Variants in LIN52 observed in about 807,000 individuals in gnomAD.
LIN52 encodes lin-52 DREAM MuvB core complex component, also known as protein lin-52 homolog.
LIN52 carries 4 observed loss-of-function variants against 18.5 expected under a neutral mutation model. The observed-to-expected ratio is 0.22, with a 90% CI of 0.11 to 0.49. The LOEUF is 0.49. LIN52 is among the 20% of genes least tolerant of loss of function. LIN52 has a pLI of 0.97. For missense variants in LIN52, 102 were observed against 139.5 expected (o/e 0.73, Z 1.35); for synonymous variants, 34 against 45.5 (o/e 0.75, Z 1.02).
intron 5 of LIN52, among the ~76,000 whole-genome samples, chr14:74,148,059 A>G (rs1473269999): frequency 1.3e-5 from 2 of 152,130 alleles, no homozygotes; most frequent in Non-Finnish European, 2.9e-5. Flanking sequence ...GAAAAAAGAA[A>G]ACAAAACCTA....
rs71460958 is a variant in LIN52, at chr14:74,130,278, GTTTT to G, written c.283+29055_283+29058del. Among the ~76,000 whole-genome samples, 4 of 64,842 alleles carry G rather than the reference GTTTT, an allele frequency of 6.2e-5. 1 individual carries two copies. Among genetic ancestry groups the G allele is most frequent in the Non-Finnish European group, 1.1e-4 (4 of 35,796 alleles). The allele number at this position is 64,842 out of a possible 152,430, so 42.5% of individuals were successfully genotyped here. On this transcript the variant is annotated intron_variant, in intron 5 of 5. Transcript: ENST00000555028. ...GAATTTATTAGATAGGCATTTTTTG[GTTTT>G]TTTTTTTTTTTTTTGAGACAGTCTC...
intron 5 of LIN52, among the ~76,000 whole-genome samples, chr14:74,196,853 A>G (rs1249673571): frequency 6.6e-6 from 1 of 152,216 alleles, no homozygotes; most frequent in Non-Finnish European, 1.5e-5. Context: ...TCTCCGTTAC[A>G]AATGAAGAGA....
chr14:74,180,261 A>AT (rs2061312568), intron 5 of LIN52, among the ~76,000 whole-genome samples: 1 of 86,492 alleles, frequency 1.2e-5, no homozygotes, highest in African/African-American at 3.8e-5. Context: ...AGGGAGGAGG[A>AT]ATTTTTTTTT....
chr14:74,169,685 T>A (rs755009422), intron 5 of LIN52, among the ~76,000 whole-genome samples: 3 of 152,206 alleles, frequency 2.0e-5, no homozygotes, highest in Non-Finnish European at 4.4e-5. Context: ...TTTGAAGAGA[T>A]CTATCATAGT....
chr14:74,125,374 G>A (rs2061023282), intron 5 of LIN52, among the ~76,000 whole-genome samples: 2 of 152,304 alleles, frequency 1.3e-5, no homozygotes, highest in East Asian at 1.9e-4. Flanking sequence ...CAGTGATGAT[G>A]AGCATTTTTT....
chr14:74,107,306 G>A (rs2060902792), intron 5 of LIN52, among the ~76,000 whole-genome samples: 1 of 152,128 alleles, frequency 6.6e-6, no homozygotes, highest in Admixed American at 6.5e-5. Flanking sequence ...ATTTAGACCT[G>A]TAAGTTTCAA....
intron 5 of LIN52, among the ~76,000 whole-genome samples, chr14:74,152,821 G>A (rs763133613): frequency 1.3e-5 from 2 of 151,796 alleles, no homozygotes; most frequent in Admixed American, 6.6e-5. Flanking sequence ...TTAGCTGGGC[G>A]TGGTGGCACA....
chr14:74,196,693 GTTCA>G (rs540791313), intron 5 of LIN52, among the ~76,000 whole-genome samples: 6 of 152,088 alleles, frequency 3.9e-5, no homozygotes, highest in African/African-American at 9.7e-5. Context: ...TGTGCAGTTT[GTTCA>G]TTCATTCATT....
intron 5 of LIN52, among the ~76,000 whole-genome samples, chr14:74,193,418 A>T (rs148273589): frequency 3.8e-5 from 1 of 26,528 alleles, no homozygotes; most frequent in African/African-American, 8.8e-5. Context: ...TGTCTCTTAT[A>T]AAAAAAAAAA....
intron 5 of LIN52, among the ~76,000 whole-genome samples, chr14:74,102,036 A>G (rs555213925): frequency 6.6e-6 from 1 of 152,240 alleles, no homozygotes; most frequent in African/African-American, 2.4e-5. Context: ...CAGCCTTCCA[A>G]AGTGCTGGGA....
At chr14:74,135,546 C>T (rs1304612896) in intron 5 of LIN52, among the ~76,000 whole-genome samples, 1 of 141,238 alleles carries the variant, frequency 7.1e-6, no homozygotes. Flanking sequence ...TGACCATAGC[C>T]ATTTTTTTTT....
rs977316109 is a variant in LIN52, at chr14:74,201,084, T to A, written c.*2107T>A. On this transcript the variant is annotated 3_prime_UTR_variant, in exon 6 of 6. Coordinates refer to ENST00000555028, the MANE Select transcript of LIN52 (RefSeq NM_001024674.3). ...AATTGCAATATTTATTGGTTTAGTA[T>A]TTGTCATCCTTAGAAATGTTAATGA... 1.3e-5 allele frequency: 2 copies of A among 152,240 alleles called. No individual in the cohort carries two copies. Among genetic ancestry groups the A allele is most frequent in the Non-Finnish European group, 2.9e-5 (2 of 68,034 alleles). The allele number at this position is 152,240 out of a possible 1,614,324, so 9.4% of individuals were successfully genotyped here.
intron 5 of LIN52, among the ~76,000 whole-genome samples, chr14:74,189,591 G>C (rs1475750199): frequency 6.6e-6 from 1 of 152,182 alleles, no homozygotes; most frequent in Non-Finnish European, 1.5e-5. Flanking sequence ...TTGAAATCTA[G>C]TCTTGTTTTG....
intron 5 of LIN52, among the ~76,000 whole-genome samples, chr14:74,174,098 A>T (rs2061282207): frequency 6.6e-6 from 1 of 152,218 alleles, no homozygotes; most frequent in Non-Finnish European, 1.5e-5. Flanking sequence ...TCAGCTCTAG[A>T]CATCTCCCAC....
chr14:74,104,087 C>T (rs1444306725), intron 5 of LIN52, among the ~76,000 whole-genome samples: 2 of 151,702 alleles, frequency 1.3e-5, no homozygotes, highest in East Asian at 1.9e-4. Flanking sequence ...TTAGTAGAGA[C>T]GGGGTTTCAC....
At chr14:74,194,503 A>G (rs2078898208) in intron 5 of LIN52, among the ~76,000 whole-genome samples, 1 of 152,216 alleles carries the variant, frequency 6.6e-6, no homozygotes, top group African/African-American at 2.4e-5. Context: ...AGGAACTACG[A>G]AAGTGGTGGG....
chr14:74,097,900 GT>G (rs764199150), intron 4 of LIN52, 40 bp downstream of exon 4: 1 of 1,457,460 alleles, frequency 6.9e-7, no homozygotes, highest in East Asian at 2.3e-5. Flanking sequence ...GGATATTTAT[GT>G]TTTTCCATAG....
intron 1 of LIN52, among the ~76,000 whole-genome samples, chr14:74,089,687 TG>T (rs2060759297): frequency 6.6e-6 from 1 of 152,104 alleles, no homozygotes; most frequent in Admixed American, 6.6e-5. Context: ...TTTTTTTATA[TG>T]TAAATAGAGA....
chr14:74,114,443 G>A (rs976672331), intron 5 of LIN52: 1 of 985,042 alleles, frequency 1.0e-6, no homozygotes, highest in Non-Finnish European at 1.2e-6. Flanking sequence ...GGGAAGAAGT[G>A]CACTGACAAT....
Sources: gnomAD v4.1 joint callset for allele counts (sites outside exome capture counted in the v4.1 genomes callset) on GRCh38, gnomAD v4.1.1 for gene constraint, MANE v1.5 for transcripts, NCBI Gene and HGNC (gene_info 2026-07-23, HGNC 2026-07-21) for gene names.